The following SPC25 variants were observed in gnomAD, a reference collection of about 807,000 sequenced individuals.
SPC25 encodes the protein SPC25 component of NDC80 kinetochore complex, also known as kinetochore protein Spc25.
In SPC25, 22 loss-of-function variants were observed where a neutral mutation model predicts 29.6. The ratio of observed to expected loss-of-function variants is 0.74; its 90% confidence interval spans 0.53 to 1.06. SPC25 has a LOEUF of 1.06. SPC25 is among the 50% of genes least tolerant of loss of function. The pLI, the probability that SPC25 is intolerant of heterozygous loss-of-function variation, is 0.00. For synonymous variants in SPC25, 91 were observed against 90.4 expected, an observed-to-expected ratio of 1.01 and a Z score of -0.04; for missense variants, 230 against 255.8, an observed-to-expected ratio of 0.90 and a Z score of 0.69.
intron 4 of SPC25, 82 bp from the exon 5 acceptor site, chr2:168,876,258 A>G (rs904697591): frequency 4.4e-5 from 43 of 977,312 alleles, no homozygotes; most frequent in Non-Finnish European, 6.0e-5. Context: ...TAAACTTAAA[A>G]TCAACTATAA....
chr2:168,864,811 T>A, intron 4 of SPC25: 1 of 1,613,192 alleles, frequency 6.2e-7, no homozygotes, highest in Non-Finnish European at 8.5e-7. Flanking sequence ...CAGAGACCCA[T>A]TTGTCTAACT....
At chr2:168,869,631 C>G (rs1409130818), downstream of SPC25, among the ~76,000 whole-genome samples, 1 of 152,046 alleles carries the variant, frequency 6.6e-6, no homozygotes, top group Non-Finnish European at 1.5e-5. Context: ...AATAAAATAC[C>G]TAGGAATCCA....
intron 4 of SPC25, chr2:168,865,240 T>C (rs1346649521): frequency 5.9e-6 from 2 of 341,782 alleles, no homozygotes; most frequent in Non-Finnish European, 1.1e-5. Flanking sequence ...GTATAACCCC[T>C]GGTGTCACAG....
chr2:168,886,686 AT>A (rs1183875818), intron 3 of SPC25, among the ~76,000 whole-genome samples: 3 of 151,688 alleles, frequency 2.0e-5, no homozygotes, highest in Non-Finnish European at 4.4e-5. Context: ...GGCCCAGCTA[AT>A]TTTTTGTATT....
At chr2:168,871,644 G>T (rs1689992338) in intron 6 of SPC25, 89 bp from the exon 7 acceptor site, 1 of 1,203,108 alleles carries the variant, frequency 8.3e-7, no homozygotes, top group Non-Finnish European at 1.1e-6. Flanking sequence ...CTCTCATCTG[G>T]TTTGAATGTC....
chr2:168,883,454 T>G lies in SPC25; in HGVS notation c.199+5772A>C, dbSNP rs145854565. On this transcript the variant is annotated intron_variant, in intron 3 of 6. Coordinates refer to ENST00000282074, the MANE Select transcript of SPC25 (RefSeq NM_020675.4). Reference sequence around the variant, plus strand: ...AAATGCTACTATTTAAAGAAAAAAATTAAGTAGAATTGTACTACACAAGAA... The same window carrying G: ...AAATGCTACTATTTAAAGAAAAAAAGTAAGTAGAATTGTACTACACAAGAA... 3.6e-3 allele frequency among the ~76,000 whole-genome samples: 551 copies of G among 152,172 alleles called. 3 individuals are homozygous for G. The highest frequency in any genetic ancestry group is 0.012 in the African/African-American group (509 of 41,530).
chr2:168,873,504 T>A, intron 6 of SPC25, 81 bp downstream of exon 6: 2 of 960,608 alleles, frequency 2.1e-6, no homozygotes, highest in South Asian at 2.8e-5. Flanking sequence ...ATTACTTTCC[T>A]CCATATTACT....
chr2:168,865,012 C>T, intron 4 of SPC25: 1 of 1,603,770 alleles, frequency 6.2e-7, no homozygotes, highest in South Asian at 1.1e-5. Context: ...CGGTAATCAA[C>T]AATACAGTGT....
intron 4 of SPC25, chr2:168,863,491 A>G: frequency 1.0e-6 from 1 of 985,402 alleles, no homozygotes; most frequent in Non-Finnish European, 1.2e-6. Context: ...TGAAGGGGGC[A>G]GATCTTTCTA....
At chr2:168,865,777 A>G (rs1398767572) in intron 4 of SPC25, among the ~76,000 whole-genome samples, 4 of 151,596 alleles carry the variant, frequency 2.6e-5, no homozygotes, top group African/African-American at 4.8e-5. Context: ...CAAAGTCTCA[A>G]GATACAAAAT....
At chr2:168,869,890 C>T (rs1367848207), downstream of SPC25, among the ~76,000 whole-genome samples, 1 of 151,924 alleles carries the variant, frequency 6.6e-6, no homozygotes, top group Non-Finnish European at 1.5e-5. Flanking sequence ...AAAGAGCCCG[C>T]ATTGCCAAGT....
At chr2:168,872,625 T>C (rs1422215165) in intron 6 of SPC25, among the ~76,000 whole-genome samples, 1 of 152,176 alleles carries the variant, frequency 6.6e-6, no homozygotes, top group East Asian at 1.9e-4. Context: ...GTATCCTGTA[T>C]ATTCTATTTT....
At chr2:168,863,521 GT>G in intron 4 of SPC25, 4 of 985,320 alleles carry the variant, frequency 4.1e-6, no homozygotes, top group Non-Finnish European at 4.8e-6. Context: ...CAAGAGCCAT[GT>G]TTCTTGTCCA....
intron 3 of SPC25, among the ~76,000 whole-genome samples, chr2:168,879,094 G>A (rs1264844441): frequency 6.6e-6 from 1 of 152,182 alleles, no homozygotes; most frequent in East Asian, 1.9e-4. Flanking sequence ...TTTGCAGGGG[G>A]AGGGTCTTGC....
At chr2:168,877,727 ATTTAT>A (rs1377736622) in intron 3 of SPC25, among the ~76,000 whole-genome samples, 1 of 151,946 alleles carries the variant, frequency 6.6e-6, no homozygotes, top group Non-Finnish European at 1.5e-5. Context: ...AAACTCTATT[ATTTAT>A]TTTATTTTTA....
At chr2:168,863,754 CATACTT>C in intron 4 of SPC25, 1 of 684,680 alleles carries the variant, frequency 1.5e-6, no homozygotes. Context: ...GTTGGTGAGA[CATACTT>C]ATAGCAGCCA....
chr2:168,876,477 T>G (rs1418773809), intron 4 of SPC25, among the ~76,000 whole-genome samples: 1 of 152,110 alleles, frequency 6.6e-6, no homozygotes, highest in Non-Finnish European at 1.5e-5. Flanking sequence ...AGAAATAGAC[T>G]TCATTTATAC....
At chr2:168,865,956 C>T, downstream of SPC25, among the ~76,000 whole-genome samples, 1 of 152,400 alleles carries the variant, frequency 6.6e-6, no homozygotes, top group South Asian at 2.1e-4. Flanking sequence ...CAAACCACTG[C>T]TCAATGAAAT....
intron 3 of SPC25, among the ~76,000 whole-genome samples, chr2:168,882,242 C>G (rs1690188294): frequency 6.6e-6 from 1 of 152,160 alleles, no homozygotes; most frequent in Non-Finnish European, 1.5e-5. Flanking sequence ...TCTTTTACTA[C>G]TTTTTTAAAA....
Sources: gnomAD v4.1 joint callset for allele counts (sites outside exome capture counted in the v4.1 genomes callset) on GRCh38, gnomAD v4.1.1 for gene constraint, MANE v1.5 for transcripts, NCBI Gene and HGNC (gene_info 2026-07-23, HGNC 2026-07-21) for gene names.